The following PPARGC1A variants were observed in gnomAD, a reference collection of about 807,000 sequenced individuals.
The protein encoded by PPARGC1A is PPARG coactivator 1 alpha, also known as peroxisome proliferator-activated receptor gamma coactivator 1-alpha.
In PPARGC1A, 25 loss-of-function variants were observed where a neutral mutation model predicts 88.7. The ratio of observed to expected loss-of-function variants is 0.28; its 90% CI spans 0.21 to 0.39. PPARGC1A has a LOEUF of 0.39. Among genes scored for constraint, PPARGC1A ranks in the 10% least tolerant of loss-of-function variants. The pLI is 1.00. For synonymous variants in PPARGC1A, 363 were observed against 355.6 expected (o/e 1.02, Z -0.24); for missense variants, 880 against 968.7 (o/e 0.91, Z 1.22).
chr4:24,359,151 G>A, the PPARGC1A span, among the ~76,000 whole-genome samples: 2 of 152,180 alleles, frequency 1.3e-5, no homozygotes, highest in African/African-American at 4.8e-5. Context: ...GTTGAGGGCT[G>A]GGAATAGAAC....
the PPARGC1A span, among the ~76,000 whole-genome samples, chr4:23,910,446 T>C: frequency 5.3e-4 from 65 of 123,234 alleles, no homozygotes; most frequent in East Asian, 5.7e-3. Flanking sequence ...TATATTAATA[T>C]ATATATATTT....
At chr4:24,192,938 A>G in the PPARGC1A span, among the ~76,000 whole-genome samples, 1 of 152,244 alleles carries the variant, frequency 6.6e-6, no homozygotes, top group Non-Finnish European at 1.5e-5. Flanking sequence ...ATCATTCAAT[A>G]TAAGTAAGTT....
intron 7 of PPARGC1A, among the ~76,000 whole-genome samples, chr4:23,816,241 A>G (rs1352961723): frequency 1.3e-5 from 2 of 152,114 alleles, no homozygotes; most frequent in African/African-American, 4.8e-5. Context: ...CTGAGTCTCA[A>G]AAAGGCTTCC....
chr4:24,015,104 G>C, the PPARGC1A span, among the ~76,000 whole-genome samples: 1 of 152,056 alleles, frequency 6.6e-6, no homozygotes, highest in Non-Finnish European at 1.5e-5. Flanking sequence ...AGAGTTAGTG[G>C]GCTGAGCCAT....
chr4:24,289,690 C>A, the PPARGC1A span, among the ~76,000 whole-genome samples: 1 of 152,196 alleles, frequency 6.6e-6, no homozygotes, highest in African/African-American at 2.4e-5. Context: ...GACCACGGAA[C>A]ATCATCAGGA....
the PPARGC1A span, among the ~76,000 whole-genome samples, chr4:24,276,814 A>G: frequency 6.6e-6 from 1 of 152,232 alleles, no homozygotes; most frequent in Non-Finnish European, 1.5e-5. Context: ...CCAAAAGGGC[A>G]AGAAAAAGAC....
chr4:23,884,381 AT>A (rs1716505946), intron 2 of PPARGC1A: 1 of 273,476 alleles, frequency 3.7e-6, no homozygotes. Flanking sequence ...TTATTTATTA[AT>A]TTATATGAGG....
the PPARGC1A span, among the ~76,000 whole-genome samples, chr4:23,945,723 C>G: frequency 6.6e-6 from 1 of 152,128 alleles, no homozygotes; most frequent in Non-Finnish European, 1.5e-5. Context: ...ATAGATCTGT[C>G]CATCAACCTG....
intron 2 of PPARGC1A, among the ~76,000 whole-genome samples, chr4:23,869,133 G>T (rs1712708352): frequency 6.6e-6 from 1 of 152,150 alleles, no homozygotes; most frequent in Non-Finnish European, 1.5e-5. Flanking sequence ...GGACCATCCA[G>T]TGGTTCAAGA....
chr4:24,183,474 G>A, the PPARGC1A span, among the ~76,000 whole-genome samples: 1 of 152,158 alleles, frequency 6.6e-6, no homozygotes, highest in Non-Finnish European at 1.5e-5. Context: ...TTCAAAGATG[G>A]GCCAGAAGGA....
the PPARGC1A span, among the ~76,000 whole-genome samples, chr4:24,311,480 A>T: frequency 1.6e-4 from 24 of 151,560 alleles, no homozygotes; most frequent in Non-Finnish European, 2.8e-4. Context: ...CTAAAAAAAA[A>T]ATACAAAAAA....
the PPARGC1A span, among the ~76,000 whole-genome samples, chr4:24,120,450 T>C: frequency 2.6e-5 from 4 of 152,210 alleles, no homozygotes; most frequent in African/African-American, 9.6e-5. Flanking sequence ...GTCCTTTACA[T>C]GCAATATCTC....
At chr4:24,234,301 G>A in the PPARGC1A span, among the ~76,000 whole-genome samples, 1 of 152,332 alleles carries the variant, frequency 6.6e-6, no homozygotes, top group Admixed American at 6.5e-5. Flanking sequence ...ACTGACAGAA[G>A]GGAAATATTT....
the PPARGC1A span, among the ~76,000 whole-genome samples, chr4:24,233,913 A>C: frequency 6.6e-6 from 1 of 152,254 alleles, no homozygotes; most frequent in Non-Finnish European, 1.5e-5. Flanking sequence ...CCTGTGACAG[A>C]GATGAGAACT....
At chr4:24,014,987 G>A in the PPARGC1A span, among the ~76,000 whole-genome samples, 1 of 152,140 alleles carries the variant, frequency 6.6e-6, no homozygotes, top group African/African-American at 2.4e-5. Flanking sequence ...ATATTCTGTC[G>A]AGAGCAATGT....
chr4:24,130,781 T>C, the PPARGC1A span, among the ~76,000 whole-genome samples: 1 of 152,108 alleles, frequency 6.6e-6, no homozygotes, highest in African/African-American at 2.4e-5. Context: ...TGCCACAAGC[T>C]GCTGAAGACC....
At chr4:24,303,248 T>G in the PPARGC1A span, among the ~76,000 whole-genome samples, 6 of 152,208 alleles carry the variant, frequency 3.9e-5, no homozygotes, top group African/African-American at 1.4e-4. Context: ...TTACAGAAAT[T>G]AGTTGCAAAG....
At chr4:24,020,159 G>A in the PPARGC1A span, among the ~76,000 whole-genome samples, 21,146 of 152,120 alleles carry the variant, frequency 0.14, 1,751 homozygotes, top group East Asian at 0.27. Flanking sequence ...AATATTGACC[G>A]ACAAGCCAGT....
chr4:24,196,285 A>G, the PPARGC1A span, among the ~76,000 whole-genome samples: 1 of 152,264 alleles, frequency 6.6e-6, no homozygotes, highest in African/African-American at 2.4e-5. Flanking sequence ...TACCACTCCC[A>G]GAGAAGGAGA....
Sources: allele counts gnomAD v4.1 joint callset (sites outside exome capture counted in the v4.1 genomes callset), GRCh38; gene constraint gnomAD v4.1.1; transcripts MANE v1.5; gene names NCBI Gene and HGNC (gene_info 2026-07-23, HGNC 2026-07-21).